ZFP1: variants seen among roughly 807,000 people sequenced by gnomAD.
ZFP1 encodes zinc finger protein 1 homolog.
In ZFP1, 32 loss-of-function variants were observed where a neutral mutation model predicts 38.5. That is an observed-to-expected ratio of 0.83 (90% CI 0.63 to 1.12). The LOEUF is 1.12. Among genes scored for constraint, ZFP1 ranks in the 50% most tolerant of loss-of-function variants. The pLI, the probability that ZFP1 is intolerant of heterozygous loss-of-function variation, is 0.00. For missense variants in ZFP1, 616 were observed against 480.8 expected, an observed-to-expected ratio of 1.28 and a Z score of -2.63; for synonymous variants, 245 against 168.8, an observed-to-expected ratio of 1.45 and a Z score of -3.50.
chr16:75,143,322 A>T, the ZFP1 span, among the ~76,000 whole-genome samples: 5 of 151,760 alleles, frequency 3.3e-5, no homozygotes, highest in Non-Finnish European at 5.9e-5. Flanking sequence ...GCTCACTGCC[A>T]CCTCCGCCCC....
chr16:75,169,394 A>G lies in ZFP1; in HGVS notation c.284A>G (p.Asp95Gly), dbSNP rs751666426. 3.7e-6 allele frequency: 6 copies of G among 1,614,160 alleles called. No individual in the cohort carries two copies. The highest frequency in any genetic ancestry group is 1.3e-5 in the African/African-American group (1 of 75,064). ...LFGKALNLNT[D>G]FVSLRQVPYK... is the part of the protein sequence containing the mutation. ...GGAAAAGCACTTAATCTGAACACAG[A>G]CTTTGTTTCTTTAAGACAAGTACCT... Residue 95 changes from aspartate to glycine, a missense_variant, in exon 4 of 4, where the codon GAC (aspartate) becomes GGC (glycine). Transcript: ENST00000570010.
At chr16:75,163,290 C>T (rs1174440806) in intron 2 of ZFP1, among the ~76,000 whole-genome samples, 3 of 151,482 alleles carry the variant, frequency 2.0e-5, no homozygotes, top group Non-Finnish European at 4.4e-5. Flanking sequence ...CCCCAGCGTG[C>T]ATTGTTGTTT....
the ZFP1 span, among the ~76,000 whole-genome samples, chr16:75,123,678 A>G: frequency 1.1e-4 from 16 of 151,080 alleles, no homozygotes; most frequent in Non-Finnish European, 1.2e-4. Flanking sequence ...GAGTTTCACT[A>G]TGTTGCCCAG....
the ZFP1 span, among the ~76,000 whole-genome samples, chr16:75,139,554 T>A: frequency 1.5e-3 from 230 of 151,916 alleles, no homozygotes; most frequent in African/African-American, 5.3e-3. Context: ...AAGTTGGGCA[T>A]GGTGGCGCAC....
rs913592904 is a variant in ZFP1, at chr16:75,171,760, T to C, written c.*1426T>C. The stretch of plus-strand genomic sequence containing the variant: ...TATATTGAGTGACTTTCTGAACAAA[T>C]TTATCCAGAACATCCATAGCCCAAT... On this transcript the variant is annotated 3_prime_UTR_variant, in exon 4 of 4. Coordinates refer to ENST00000570010, the MANE Select transcript of ZFP1 (RefSeq NM_153688.4). The C allele has an allele frequency of 6.6e-6, 1 of 152,228 alleles. No individual in the cohort carries two copies. Among genetic ancestry groups the C allele is most frequent in the African/African-American group, 2.4e-5 (1 of 41,456 alleles). The allele number at this position is 152,228 out of a possible 1,614,324, so 9.4% of individuals were successfully genotyped here. A position where few individuals can be genotyped will look rare whatever the true frequency, so the allele number is the denominator to read the frequency against.
At chr16:75,147,924 C>G (rs1797545837), upstream of ZFP1, among the ~76,000 whole-genome samples, 2 of 152,078 alleles carry the variant, frequency 1.3e-5, no homozygotes, top group Non-Finnish European at 2.9e-5. Context: ...TCTCATCAGA[C>G]AAATAACTAT....
Position 75,149,418 on chromosome 16 carries a change from C to A in ZFP1, c.-44+775C>A, listed in dbSNP as rs79062687. ...CAAAATTCTTCACTACTTTGAAATA[C>A]GAAAGTTTTCCCATGATTCTGGTGC... On this transcript the variant is annotated intron_variant, in intron 1 of 3. Coordinates refer to ENST00000570010, the MANE Select transcript of ZFP1 (RefSeq NM_153688.4). 2.8e-3 allele frequency among the ~76,000 whole-genome samples: 419 copies of A among 152,304 alleles called. 3 individuals carry two copies. The highest frequency in any genetic ancestry group is 9.3e-3 in the African/African-American group (387 of 41,576).
the ZFP1 span, among the ~76,000 whole-genome samples, chr16:75,135,286 T>C: frequency 2.3e-4 from 32 of 140,102 alleles, no homozygotes; most frequent in Admixed American, 1.3e-3. Context: ...GGAACGTTAA[T>C]CAGCAATTCT....
chr16:75,147,087 A>G (rs963245448), upstream of ZFP1, among the ~76,000 whole-genome samples: 4 of 152,180 alleles, frequency 2.6e-5, no homozygotes, highest in African/African-American at 9.7e-5. Flanking sequence ...AGGCAAAACT[A>G]TGGAGACAGT....
the ZFP1 span, among the ~76,000 whole-genome samples, chr16:75,143,405 C>G: frequency 4.6e-5 from 7 of 151,956 alleles, no homozygotes; most frequent in Non-Finnish European, 1.0e-4. Context: ...CCAGGCCCAG[C>G]TAATTTTTTT....
chr16:75,169,962 C>T lies in ZFP1; in HGVS notation c.852C>T (p.Thr284=). ...GKTFAQKFEL[T]THQRIHTGER... ...CATTTGCCCAAAAGTTTGAACTCAC[C>T]ACACACCAGAGAATTCATACAGGAG... The change falls in exon 4 of 4, where the codon ACC becomes ACT. Residue 284 remains threonine, a synonymous_variant. Transcript: ENST00000570010. 6.2e-7 allele frequency: 1 copy of T among 1,614,138 alleles called. No homozygotes were observed. The highest frequency in any genetic ancestry group is 2.2e-5 in the East Asian group (1 of 44,876).
In ZFP1 at chr16:75,166,761, C is replaced by T. The variant is rs753831374; in HGVS notation, c.16-9C>T. 1 of 1,614,014 alleles carries T rather than the reference C, an allele frequency of 6.2e-7. No homozygotes were observed. Among genetic ancestry groups the T allele is most frequent in the South Asian group, 1.1e-5 (1 of 91,078 alleles). ...TCATCTTAGGATGAATAACAATATG[C>T]CATTTCAGGGATCAGTTTCATTCAC... On this transcript the variant is annotated splice_polypyrimidine_tract_variant and intron_variant, in intron 2 of 3. Coordinates refer to ENST00000570010, the MANE Select transcript of ZFP1 (RefSeq NM_153688.4).
At chr16:75,154,372 G>A (rs2037365630) in intron 2 of ZFP1, among the ~76,000 whole-genome samples, 1 of 152,158 alleles carries the variant, frequency 6.6e-6, no homozygotes, top group Non-Finnish European at 1.5e-5. Context: ...TGGCTTCTAA[G>A]TTTTGGCAAT....
At chr16:75,153,018 T>G in intron 2 of ZFP1, 52 bp downstream of exon 2, 1 of 1,602,662 alleles carries the variant, frequency 6.2e-7, no homozygotes, top group Non-Finnish European at 8.5e-7. Context: ...TTAAGGAAGT[T>G]TATAAGGATC....
chr16:75,121,619 G>C, the ZFP1 span, among the ~76,000 whole-genome samples: 7 of 152,180 alleles, frequency 4.6e-5, no homozygotes, highest in South Asian at 4.1e-4. Flanking sequence ...TCAATAATCT[G>C]AGTGTATCCA....
chr16:75,142,572 A>G, the ZFP1 span, among the ~76,000 whole-genome samples: 1 of 152,110 alleles, frequency 6.6e-6, no homozygotes, highest in African/African-American at 2.4e-5. Flanking sequence ...TTTCAAAACA[A>G]TTCATAATAT....
chr16:75,135,260 C>CAAAAAGTGAACGGATAAACCAACTGTA, the ZFP1 span, among the ~76,000 whole-genome samples: 1 of 130,124 alleles, frequency 7.7e-6, no homozygotes, highest in Non-Finnish European at 1.6e-5. Flanking sequence ...AGAGATCCTT[C>CAAAAAGTGAACGGATAAACCAACTGTA]ACTCATTCAT....
In ZFP1 at chr16:75,156,583, G is replaced by T. The variant is rs565870182; in HGVS notation, c.15+3617G>T. ...TTTCCTGAGAGTTTACAGAAGTCCC[G>T]TTTGGGGAGGTTATTGGCAAGGTCA... On this transcript the variant is annotated intron_variant, in intron 2 of 3. Coordinates refer to ENST00000570010, the MANE Select transcript of ZFP1 (RefSeq NM_153688.4). 2.0e-5 allele frequency among the ~76,000 whole-genome samples: 3 copies of T among 152,308 alleles called. No individual in the cohort carries two copies. The South Asian group carries it at 6.2e-4, about 32-fold the overall frequency.
chr16:75,149,689 G>A (rs1301410444), intron 1 of ZFP1, among the ~76,000 whole-genome samples: 1 of 151,736 alleles, frequency 6.6e-6, no homozygotes, highest in East Asian at 1.9e-4. Context: ...CTCCCGAGTA[G>A]CTGGGATTAC....
Sources: allele counts gnomAD v4.1 joint callset (sites outside exome capture counted in the v4.1 genomes callset), GRCh38; gene constraint gnomAD v4.1.1; transcripts MANE v1.5; gene names NCBI Gene and HGNC (gene_info 2026-07-23, HGNC 2026-07-21).